Variants in RBM26 observed in about 807,000 individuals in gnomAD.
RBM26 encodes the protein RNA-binding protein 26.
Under a neutral mutation model 123.6 loss-of-function variants are expected in RBM26, and 30 were observed. That is an observed-to-expected ratio of 0.24 (90% CI 0.18 to 0.33). The LOEUF is 0.33. RBM26 is among the 10% of genes least tolerant of loss of function. The pLI is 1.00. For synonymous variants in RBM26, 400 were observed against 404.4 expected, an observed-to-expected ratio of 0.99 and a Z score of 0.13; for missense variants, 947 against 1,203.6, an observed-to-expected ratio of 0.79 and a Z score of 3.15.
intron 3 of RBM26, among the ~76,000 whole-genome samples, chr13:79,372,685 A>AC (rs1157247638): frequency 6.9e-6 from 1 of 144,378 alleles, no homozygotes; most frequent in Non-Finnish European, 1.5e-5. Flanking sequence ...ACACACACAA[A>AC]CATATACATG....
chr13:79,369,018 A>T, intron 5 of RBM26, 28 bp from the exon 6 acceptor site: 7 of 1,477,048 alleles, frequency 4.7e-6, no homozygotes, highest in Non-Finnish European at 6.4e-6. Context: ...TGACATATAA[A>T]ACTACACTGT....
At chr13:79,387,827 C>T (rs112003006) in intron 1 of RBM26, among the ~76,000 whole-genome samples, 1 of 152,278 alleles carries the variant, frequency 6.6e-6, no homozygotes, top group Non-Finnish European at 1.5e-5. Context: ...TAAATAAATT[C>T]TACTTAATAG....
intron 1 of RBM26, among the ~76,000 whole-genome samples, chr13:79,403,005 T>C (rs1886494): frequency 0.46 from 69,588 of 151,814 alleles, 16,909 homozygotes; most frequent in East Asian, 0.72. Context: ...AAAAGTTTTA[T>C]GTAAGTTTCA....
In RBM26 at chr13:79,318,875, G is replaced by T; in HGVS notation, c.*1746C>A. ...CCTCTGCCAATTTGGCACCTTTCAC[G>T]ACTACTAAAAAGAAAAGAAAACAAA... On this transcript the variant is annotated 3_prime_UTR_variant, in exon 22 of 22. Coordinates refer to ENST00000438737, the MANE Select transcript of RBM26 (RefSeq NM_001366735.2). 1.0e-6 allele frequency: 1 copy of T among 978,484 alleles called. No homozygotes were observed. The highest frequency in any genetic ancestry group is 1.2e-6 in the Non-Finnish European group (1 of 823,926). 60.6% of individuals were successfully genotyped at this position (978,484 alleles called of 1,614,324 possible). A position where few individuals can be genotyped will look rare whatever the true frequency, so the allele number is the denominator to read the frequency against.
Position 79,366,209 on chromosome 13 carries a change from A to G in RBM26, c.1136-14T>C. On this transcript the variant is annotated splice_polypyrimidine_tract_variant and intron_variant, in intron 7 of 21. Transcript: ENST00000438737. The stretch of plus-strand genomic sequence containing the variant: ...GAGGTGGTGGTCCTGTCAAAACCAA[A>G]GAATAAGAAATATCATCTGAAAGCA... 1.2e-6 allele frequency: 2 copies of G among 1,605,250 alleles called. No individual in the cohort carries two copies. The highest frequency in any genetic ancestry group is 1.7e-6 in the Non-Finnish European group (2 of 1,177,472).
chr13:79,352,376 T>C (rs1208823092), intron 14 of RBM26, among the ~76,000 whole-genome samples: 2 of 151,932 alleles, frequency 1.3e-5, no homozygotes, highest in African/African-American at 2.4e-5. Context: ...GATAAGCATA[T>C]AGAACTAAGA....
chr13:79,395,179 G>A (rs1263980800), intron 1 of RBM26, among the ~76,000 whole-genome samples: 4 of 152,280 alleles, frequency 2.6e-5, no homozygotes, highest in Admixed American at 6.5e-5. Context: ...ACACAAAATA[G>A]TAAGAAAATG....
chr13:79,359,383 AT>A (rs911819368), intron 10 of RBM26, among the ~76,000 whole-genome samples, 191 bp downstream of exon 10: 2 of 152,290 alleles, frequency 1.3e-5, no homozygotes, highest in African/African-American at 4.8e-5. Flanking sequence ...CTACCACACC[AT>A]TTCTGTAAGA....
In RBM26 at chr13:79,329,425, C is replaced by G. The variant is rs545126153; in HGVS notation, c.2820+4919G>C. On this transcript the variant is annotated intron_variant, in intron 20 of 21. Coordinates refer to ENST00000438737, the MANE Select transcript of RBM26 (RefSeq NM_001366735.2). The stretch of plus-strand genomic sequence containing the variant: ...GTAACATACTTAATAGTAATGCGTA[C>G]CCCTAGTACCCAAACTGTAGTGTCT... Among the ~76,000 whole-genome samples, 3 of 151,746 alleles carry G rather than the reference C, an allele frequency of 2.0e-5. No homozygotes were observed. The South Asian group carries it at 6.3e-4, about 32-fold the overall frequency.
chr13:79,378,697 C>G (rs556392563), intron 2 of RBM26, 92 bp downstream of exon 2: 9 of 702,926 alleles, frequency 1.3e-5, no homozygotes, highest in Admixed American at 3.0e-5. Context: ...ACCTCAGCCT[C>G]CCAAAGTGCT....
chr13:79,397,912 G>A (rs537603457), intron 1 of RBM26, among the ~76,000 whole-genome samples: 6 of 151,590 alleles, frequency 4.0e-5, no homozygotes, highest in South Asian at 2.1e-4. Flanking sequence ...AAAACATGTC[G>A]CAGAAAAAAA....
intron 4 of RBM26, 50 bp downstream of exon 4, chr13:79,371,791 TA>T: frequency 7.8e-7 from 1 of 1,275,162 alleles, no homozygotes; most frequent in Non-Finnish European, 1.1e-6. Flanking sequence ...AACATTTGTA[TA>T]AAAGATAACT....
At chr13:79,353,779 C>A (rs1388056738) in intron 13 of RBM26, among the ~76,000 whole-genome samples, 1 of 152,080 alleles carries the variant, frequency 6.6e-6, no homozygotes, top group Non-Finnish European at 1.5e-5. Context: ...GACACTACAT[C>A]CTAACTCTAT....
chr13:79,372,615 C>T (rs1012799813), intron 3 of RBM26, among the ~76,000 whole-genome samples: 1 of 148,504 alleles, frequency 6.7e-6, no homozygotes, highest in Non-Finnish European at 1.5e-5. Context: ...TGGTGTGGTA[C>T]CAAACACATC....
intron 9 of RBM26, among the ~76,000 whole-genome samples, chr13:79,362,038 G>T (rs537934357): frequency 6.6e-6 from 1 of 152,194 alleles, no homozygotes; most frequent in African/African-American, 2.4e-5. Flanking sequence ...AAGGACCAAA[G>T]TTCTACATAT....
chr13:79,392,415 C>T (rs932172657), intron 1 of RBM26, among the ~76,000 whole-genome samples: 27 of 144,696 alleles, frequency 1.9e-4, no homozygotes, highest in South Asian at 8.6e-4. Flanking sequence ...TTAAATTAAT[C>T]TCTGGAGCAT....
chr13:79,384,526 G>A lies in RBM26; in HGVS notation c.72-5619C>T, dbSNP rs1317692929. On this transcript the variant is annotated intron_variant, in intron 1 of 21. Transcript: ENST00000438737. Reference sequence around the variant, plus strand: ...TCTTCCTCGGCCTCCCAAAGTGTTGGGATTTACAGGTGAGAGCAATAGTGC... The same window carrying A: ...TCTTCCTCGGCCTCCCAAAGTGTTGAGATTTACAGGTGAGAGCAATAGTGC... Among the ~76,000 whole-genome samples the A allele has an allele frequency of 4.6e-5, 7 of 152,012 alleles. 1 individual carries two copies. Among genetic ancestry groups the A allele is most frequent in the African/African-American group, 1.4e-4 (6 of 41,390 alleles).
chr13:79,358,171 C>G, intron 11 of RBM26, 103 bp downstream of exon 11: 1 of 1,040,006 alleles, frequency 9.6e-7, no homozygotes, highest in Non-Finnish European at 1.3e-6. Flanking sequence ...GCGTGAACCA[C>G]CATGCCCAGC....
chr13:79,349,424 A>G (rs1170378407), intron 14 of RBM26, among the ~76,000 whole-genome samples: 1 of 152,210 alleles, frequency 6.6e-6, no homozygotes, highest in African/African-American at 2.4e-5. Flanking sequence ...TAAGTGAAAT[A>G]GACAAAGGGA....
Sources: allele counts gnomAD v4.1 joint callset (sites outside exome capture counted in the v4.1 genomes callset), GRCh38; gene constraint gnomAD v4.1.1; transcripts MANE v1.5; gene names NCBI Gene and HGNC (gene_info 2026-07-23, HGNC 2026-07-21).